Variants in RTN1 observed in about 807,000 individuals in gnomAD.
RTN1 encodes the protein reticulon-1.
In RTN1, 25 loss-of-function variants were observed where a neutral mutation model predicts 65.5. The observed-to-expected ratio is 0.38, with a 90% CI of 0.28 to 0.53. The LOEUF (loss-of-function observed/expected upper bound fraction) is 0.53, where lower values mean the gene tolerates loss of function less well. RTN1 is among the 20% of genes least tolerant of loss of function. The pLI, the probability that RTN1 is intolerant of heterozygous loss-of-function variation, is 0.79. For missense variants in RTN1, 983 were observed against 1,025.4 expected (o/e 0.96, Z 0.57); for synonymous variants, 471 against 447.6 (o/e 1.05, Z -0.66).
At chr14:59,677,260 G>T (rs548578066) in intron 3 of RTN1, among the ~76,000 whole-genome samples, 1 of 152,206 alleles carries the variant, frequency 6.6e-6, no homozygotes, top group African/African-American at 2.4e-5. Context: ...AAAAAGCAAC[G>T]TGAGTTTTAT....
At chr14:59,750,084 GACATATATATTATATATTATATATTAT>G (rs1566713051) in intron 1 of RTN1, among the ~76,000 whole-genome samples, 6 of 41,228 alleles carry the variant, frequency 1.5e-4, no homozygotes, top group African/African-American at 3.4e-4. Flanking sequence ...ATATATTATA[GACATATATATTATATATTATATATTAT>G]ATATAATATA....
chr14:59,789,790 C>A (rs1168358523), intron 1 of RTN1, among the ~76,000 whole-genome samples: 1 of 151,762 alleles, frequency 6.6e-6, no homozygotes, highest in African/African-American at 2.4e-5. Flanking sequence ...AAACTAGGAA[C>A]AATCTAAATA....
intron 1 of RTN1, among the ~76,000 whole-genome samples, chr14:59,782,401 G>C (rs911817480): frequency 6.6e-6 from 1 of 152,122 alleles, no homozygotes; most frequent in Non-Finnish European, 1.5e-5. Context: ...CCTTGGTTTT[G>C]AACTTTTCTT....
intron 3 of RTN1, among the ~76,000 whole-genome samples, chr14:59,657,566 T>C (rs972424656): frequency 8.5e-5 from 13 of 152,084 alleles, no homozygotes; most frequent in African/African-American, 3.1e-4. Context: ...CTGGGACTGG[T>C]TAGACAGTGG....
chr14:59,697,319 T>C (rs1259384242), intron 3 of RTN1, among the ~76,000 whole-genome samples: 1 of 152,214 alleles, frequency 6.6e-6, no homozygotes, highest in African/African-American at 2.4e-5. Flanking sequence ...TTTCTGGATG[T>C]CTTTCTCCCA....
chr14:59,727,106 G>C lies in RTN1; in HGVS notation c.1578C>G (p.Pro526=), dbSNP rs1566700737. The C allele has an allele frequency of 1.2e-6, 2 of 1,610,366 alleles. No individual in the cohort carries two copies. The highest frequency in any genetic ancestry group is 1.7e-6 in the Non-Finnish European group (2 of 1,178,362). Residue 526 remains proline, a synonymous_variant, in exon 3 of 9, where the codon CCC becomes CCG. Coordinates refer to ENST00000267484, the MANE Select transcript of RTN1 (RefSeq NM_021136.3). The surrounding 1 kb of genome is among the most constrained non-coding windows in gnomAD (Gnocchi z 4.2). ...CGGGGCCAGGCTGGGGCTCAGTTGA[G>C]GGGTAGTCGAGGAAGGAACCCGGCT... ...LAEPGSFLDY[P]STEPQPGPEL...
chr14:59,665,512 G>A (rs1457499235), intron 3 of RTN1, among the ~76,000 whole-genome samples: 2 of 152,116 alleles, frequency 1.3e-5, no homozygotes, highest in Non-Finnish European at 2.9e-5. Flanking sequence ...GACCATTGAT[G>A]CTATGAAGAA....
chr14:59,667,811 C>A (rs946514849), intron 3 of RTN1, among the ~76,000 whole-genome samples: 3 of 152,114 alleles, frequency 2.0e-5, no homozygotes, highest in African/African-American at 7.2e-5. Flanking sequence ...TCCTCTACAC[C>A]ATTAGCAGAC....
intron 1 of RTN1, among the ~76,000 whole-genome samples, chr14:59,855,109 C>T (rs578125297): frequency 2.0e-5 from 3 of 152,320 alleles, no homozygotes; most frequent in Admixed American, 2.0e-4. Flanking sequence ...AGGCAATATA[C>T]CTGTCAGTCT....
At position 59,819,842 on chromosome 14, in the gene RTN1, A is replaced by G. The variant is rs1041975194; in HGVS notation, c.241+50548T>C. Among the ~76,000 whole-genome samples, 18 of 152,170 alleles carry G rather than the reference A, an allele frequency of 1.2e-4. 1 individual carries two copies. Among genetic ancestry groups the G allele is most frequent in the Admixed American group, 8.5e-4 (13 of 15,300 alleles). The stretch of plus-strand genomic sequence containing the variant: ...TAAGCCCCTCACTGCCTGGGCCGGT[A>G]GCGCCAGCCAGCCGCTCCGAGTGCG... On this transcript the variant is annotated intron_variant, in intron 1 of 8. Transcript: ENST00000267484.
At chr14:59,596,908 C>A in intron 8 of RTN1, 121 bp from the exon 9 acceptor site, 1 of 721,262 alleles carries the variant, frequency 1.4e-6, no homozygotes, top group Admixed American at 2.1e-5. Flanking sequence ...ATATTATAGT[C>A]TTTATGTAAG....
At chr14:59,741,818 C>T (rs1432858202) in intron 2 of RTN1, among the ~76,000 whole-genome samples, 8 of 152,124 alleles carry the variant, frequency 5.3e-5, no homozygotes, top group Non-Finnish European at 1.0e-4. Context: ...GAGGTCCCTC[C>T]TAGCTTCTCT....
intron 1 of RTN1, among the ~76,000 whole-genome samples, chr14:59,839,263 G>A (rs1216232321): frequency 6.6e-6 from 1 of 152,066 alleles, no homozygotes; most frequent in Non-Finnish European, 1.5e-5. Flanking sequence ...AGAAATCAAA[G>A]TTCTGTATTA....
chr14:59,776,629 C>A (rs1282861366), intron 1 of RTN1, among the ~76,000 whole-genome samples: 2 of 152,072 alleles, frequency 1.3e-5, no homozygotes, highest in African/African-American at 2.4e-5. Context: ...TTCTCTCTAT[C>A]TCATTTGTTC....
In RTN1 at chr14:59,727,910, T is replaced by C. The variant is rs1298255764; in HGVS notation, c.1016-242A>G. ...TTAATTAGTGTTTTACAGACCTCTC[T>C]ATCTTCAGCTAGCTATTTTAAAAAA... is the stretch of plus-strand genomic sequence containing the variant. On this transcript the variant is annotated intron_variant, in intron 2 of 8. Coordinates refer to ENST00000267484, the MANE Select transcript of RTN1 (RefSeq NM_021136.3). This position sits in a 1 kb window ranked among gnomAD's most constrained non-coding sequence, Gnocchi z 4.2. Among the ~76,000 whole-genome samples the C allele has an allele frequency of 1.3e-5, 2 of 152,336 alleles. No homozygotes were observed. The highest frequency in any genetic ancestry group is 3.9e-4 in the East Asian group (2 of 5,182).
At chr14:59,608,920 A>C (rs1213751319) in intron 3 of RTN1, among the ~76,000 whole-genome samples, 3 of 152,124 alleles carry the variant, frequency 2.0e-5, no homozygotes, top group Non-Finnish European at 2.9e-5. Context: ...AAAAATAAAA[A>C]AAAAGTACTG....
In RTN1 at chr14:59,700,055, G is replaced by A. The variant is rs150120710; in HGVS notation, c.1765+26864C>T. Among the ~76,000 whole-genome samples, 26 of 151,974 alleles carry A rather than the reference G, an allele frequency of 1.7e-4. 1 individual carries two copies. In the East Asian group the frequency reaches 4.8e-3, roughly 28 times the overall value. ...ACTCTACCCTTGTAGCACAAAATAAGCCAAAGAAAATATGTGAGAAAATGA... is the reference window on the plus strand; with the variant it reads ...ACTCTACCCTTGTAGCACAAAATAAACCAAAGAAAATATGTGAGAAAATGA... On this transcript the variant is annotated intron_variant, in intron 3 of 8. Transcript: ENST00000267484.
intron 1 of RTN1, among the ~76,000 whole-genome samples, chr14:59,867,387 C>T (rs1055083991): frequency 2.6e-5 from 4 of 152,080 alleles, no homozygotes. Flanking sequence ...TTAAATGTTC[C>T]CTTGTCAACA....
chr14:59,845,820 C>A (rs1300732165), intron 1 of RTN1, among the ~76,000 whole-genome samples: 1 of 152,018 alleles, frequency 6.6e-6, no homozygotes, highest in Non-Finnish European at 1.5e-5. Context: ...ACCCCTACCA[C>A]AATTTTCTGG....
Sources: gnomAD v4.1 joint callset for allele counts (sites outside exome capture counted in the v4.1 genomes callset) on GRCh38, gnomAD v4.1.1 for gene constraint, Gnocchi (gnomAD v3.1) non-coding constraint, MANE v1.5 for transcripts, NCBI Gene and HGNC (gene_info 2026-07-23, HGNC 2026-07-21) for gene names.